C7orf57: variants seen among roughly 807,000 people sequenced by gnomAD.
C7orf57 encodes the protein uncharacterized protein C7orf57.
Under a neutral mutation model 39.0 loss-of-function variants are expected in C7orf57, and 33 were observed. The ratio of observed to expected loss-of-function variants is 0.85; its 90% CI spans 0.64 to 1.13. The LOEUF is 1.13. Among genes scored for constraint, C7orf57 ranks in the 50% most tolerant of loss-of-function variants. C7orf57 has a pLI of 0.00. For synonymous variants in C7orf57, 124 were observed against 137.1 expected, an observed-to-expected ratio of 0.90 and a Z score of 0.67; for missense variants, 346 against 362.3, an observed-to-expected ratio of 0.95 and a Z score of 0.37.
At chr7:48,055,638 C>T (rs1420169443) in intron 8 of C7orf57, among the ~76,000 whole-genome samples, 3 of 152,214 alleles carry the variant, frequency 2.0e-5, no homozygotes, top group Non-Finnish European at 4.4e-5. Flanking sequence ...GCCCCATCCC[C>T]AGCACCTGGT....
chr7:48,043,623 T>A, intron 4 of C7orf57, 34 bp downstream of exon 4: 1 of 1,536,098 alleles, frequency 6.5e-7, no homozygotes, highest in Non-Finnish European at 9.0e-7. Flanking sequence ...TTTTTGTTTA[T>A]CTTTACAGGA....
At chr7:48,036,149 G>C in intron 1 of C7orf57, 59 bp from the exon 2 acceptor site, 1 of 716,036 alleles carries the variant, frequency 1.4e-6, no homozygotes, top group East Asian at 2.7e-5. Context: ...GCCTGCAGGC[G>C]TGTCAGGGCG....
chr7:48,055,145 A>C (rs1395828030), intron 8 of C7orf57, among the ~76,000 whole-genome samples: 1 of 152,130 alleles, frequency 6.6e-6, no homozygotes, highest in African/African-American at 2.4e-5. Context: ...GAAAGTGCTG[A>C]GATTACAGGC....
intron 6 of C7orf57, among the ~76,000 whole-genome samples, chr7:48,051,847 C>CCT (rs1253748238): frequency 1.4e-4 from 9 of 65,858 alleles, no homozygotes; most frequent in South Asian, 4.9e-4. Context: ...TTCTTTCTTT[C>CCT]TTTCTTTCTT....
intron 4 of C7orf57, among the ~76,000 whole-genome samples, chr7:48,045,883 A>G (rs1367131402): frequency 6.6e-6 from 1 of 152,106 alleles, no homozygotes; most frequent in Non-Finnish European, 1.5e-5. Context: ...AAAAATGACC[A>G]TCCAACAGGA....
chr7:48,054,884 TTA>T (rs1471876859), intron 8 of C7orf57, among the ~76,000 whole-genome samples: 1 of 151,248 alleles, frequency 6.6e-6, no homozygotes, highest in African/African-American at 2.4e-5. Context: ...ATTATTATTA[TTA>T]TTTTTTTTGA....
At chr7:48,042,476 T>G (rs1336519003) in intron 3 of C7orf57, among the ~76,000 whole-genome samples, 1 of 152,138 alleles carries the variant, frequency 6.6e-6, no homozygotes, top group African/African-American at 2.4e-5. Context: ...CTGGGCATTG[T>G]GTCTGCAACG....
At chr7:48,045,621 C>T (rs1790692542) in intron 4 of C7orf57, among the ~76,000 whole-genome samples, 1 of 152,190 alleles carries the variant, frequency 6.6e-6, no homozygotes, top group Non-Finnish European at 1.5e-5. Context: ...TTTTCAGCAT[C>T]CTGGAGCCCT....
At position 48,043,609 on chromosome 7, in the gene C7orf57, C is replaced by A. The variant is rs777469722; in HGVS notation, c.350+20C>A. On this transcript the variant is annotated intron_variant, in intron 4 of 8. Coordinates refer to ENST00000348904, the MANE Select transcript of C7orf57 (RefSeq NM_001100159.3). ...GCAAGAGTAAGTACCTTAAAGCACT[C>A]ACATTTTTGTTTATCTTTACAGGAA... The A allele has an allele frequency of 1.9e-6, 3 of 1,587,300 alleles. No individual in the cohort carries two copies. Among genetic ancestry groups the A allele is most frequent in the Non-Finnish European group, 2.6e-6 (3 of 1,158,032 alleles).
chr7:48,045,535 G>T (rs1879830), intron 4 of C7orf57, among the ~76,000 whole-genome samples: 7 of 151,982 alleles, frequency 4.6e-5, no homozygotes, highest in African/African-American at 9.7e-5. Context: ...ACCTCCTTCA[G>T]GTGCTTTGCT....
intron 2 of C7orf57, among the ~76,000 whole-genome samples, chr7:48,040,289 G>C (rs370043914): frequency 6.6e-6 from 1 of 152,334 alleles, no homozygotes; most frequent in East Asian, 1.9e-4. Flanking sequence ...AAGAAGGGAG[G>C]ATGGACAGAG....
Position 48,053,693 on chromosome 7 carries a change from C to A in C7orf57, c.829+770C>A, listed in dbSNP as rs541215823. Among the ~76,000 whole-genome samples, 7 of 152,274 alleles carry A rather than the reference C, an allele frequency of 4.6e-5. No homozygotes were observed. In the South Asian group the frequency reaches 1.4e-3, roughly 32 times the overall value. On this transcript the variant is annotated intron_variant, in intron 7 of 8. Transcript: ENST00000348904. ...CTCAAACTCCTGGGCTCAAACAATT[C>A]TTTTGCCTCTGCCTTGCAAAGTACT...
rs1300108986 is a variant in C7orf57 at position 48,049,860 on chromosome 7, TTG to T, written c.508-14_508-13del. 1.3e-6 allele frequency: 2 copies of T among 1,599,046 alleles called. No individual in the cohort carries two copies. The highest frequency in any genetic ancestry group is 2.2e-5 in the East Asian group (1 of 44,778). ...GAATGCTTTCCACTAACTCAAGGTTTTGTGTGTTTCCTCACACAGCTGAGGCT... is the reference window on the plus strand; with the variant it reads ...GAATGCTTTCCACTAACTCAAGGTTTTGTGTTTCCTCACACAGCTGAGGCT... On this transcript the variant is annotated intron_variant, in intron 5 of 8. Coordinates refer to ENST00000348904, the MANE Select transcript of C7orf57 (RefSeq NM_001100159.3).
intron 1 of C7orf57, 133 bp from the exon 2 acceptor site, chr7:48,036,075 G>C (rs1790346567): frequency 1.7e-6 from 1 of 605,438 alleles, no homozygotes; most frequent in Non-Finnish European, 2.9e-6. Flanking sequence ...CTGTTTACCT[G>C]GCGTGGACAT....
chr7:48,042,180 G>A (rs890127923), intron 3 of C7orf57, among the ~76,000 whole-genome samples: 1 of 152,218 alleles, frequency 6.6e-6, no homozygotes, highest in African/African-American at 2.4e-5. Flanking sequence ...GATTGTCAGA[G>A]AGAAAATGGG....
chr7:48,045,260 T>G (rs1790679757), intron 4 of C7orf57, among the ~76,000 whole-genome samples: 1 of 149,880 alleles, frequency 6.7e-6, no homozygotes, highest in Non-Finnish European at 1.5e-5. Context: ...GAGCTATAAC[T>G]TAACATGCTT....
chr7:48,048,621 C>G (rs930835509), intron 5 of C7orf57, among the ~76,000 whole-genome samples: 12 of 152,130 alleles, frequency 7.9e-5, no homozygotes, highest in African/African-American at 2.9e-4. Context: ...GCGAAACCCA[C>G]CTTTTATAGA....
chr7:48,055,091 T>C (rs1376460084), intron 8 of C7orf57, among the ~76,000 whole-genome samples: 1 of 152,168 alleles, frequency 6.6e-6, no homozygotes, highest in African/African-American at 2.4e-5. Context: ...TTAGCCAGGA[T>C]GGTCTCGATC....
At chr7:48,059,098 C>T (rs141037674) in intron 8 of C7orf57, among the ~76,000 whole-genome samples, 2 of 152,318 alleles carry the variant, frequency 1.3e-5, no homozygotes, top group Non-Finnish European at 2.9e-5. Context: ...CTGCTCCCAC[C>T]TCTCAGTATC....
Sources: allele counts gnomAD v4.1 joint callset (sites outside exome capture counted in the v4.1 genomes callset), GRCh38; gene constraint gnomAD v4.1.1; transcripts MANE v1.5; gene names NCBI Gene and HGNC (gene_info 2026-07-23, HGNC 2026-07-21).